KSR2: variants seen among roughly 807,000 people sequenced by gnomAD.
The protein encoded by KSR2 is kinase suppressor of ras 2.
KSR2 carries 25 observed loss-of-function variants against 107.8 expected under a neutral mutation model. The ratio of observed to expected loss-of-function variants is 0.23; its 90% CI spans 0.17 to 0.32. The LOEUF is 0.32. Among genes scored for constraint, KSR2 ranks in the 10% least tolerant of loss-of-function variants. KSR2 has a pLI of 1.00. For synonymous variants in KSR2, 480 were observed against 507.0 expected (o/e 0.95, Z 0.71); for missense variants, 887 against 1,268.9 (o/e 0.70, Z 4.57).
chr12:117,811,824 A>G (rs1472693048), intron 3 of KSR2, among the ~76,000 whole-genome samples: 1 of 152,240 alleles, frequency 6.6e-6, no homozygotes, highest in Non-Finnish European at 1.5e-5. Flanking sequence ...GTCAAGCTCT[A>G]CTTAGAGTCA....
intron 7 of KSR2, among the ~76,000 whole-genome samples, chr12:117,566,356 G>A (rs1274684083): frequency 1.3e-5 from 2 of 152,182 alleles, no homozygotes; most frequent in African/African-American, 2.4e-5. Flanking sequence ...CTGACCTCAC[G>A]TGATCTGCCT....
chr12:117,681,353 G>C (rs1032506495), intron 4 of KSR2, among the ~76,000 whole-genome samples: 2 of 152,028 alleles, frequency 1.3e-5, no homozygotes, highest in African/African-American at 4.8e-5. Flanking sequence ...TGAGTAACTG[G>C]GTGGGAAGGC....
intron 4 of KSR2, among the ~76,000 whole-genome samples, chr12:117,680,453 T>G (rs1885318929): frequency 6.6e-6 from 1 of 152,202 alleles, no homozygotes; most frequent in Non-Finnish European, 1.5e-5. Context: ...TAACATTTCT[T>G]TTGGACACGG....
chr12:117,521,483 G>C (rs1874756183), intron 14 of KSR2, among the ~76,000 whole-genome samples: 2 of 152,168 alleles, frequency 1.3e-5, no homozygotes, highest in South Asian at 4.2e-4. Flanking sequence ...ACCGTCGATA[G>C]CTTTGCAATA....
intron 4 of KSR2, among the ~76,000 whole-genome samples, chr12:117,727,498 GGAA>G (rs1204994021): frequency 1.3e-5 from 2 of 151,250 alleles, no homozygotes; most frequent in African/African-American, 4.9e-5. Context: ...AAGAGGAGGA[GGAA>G]GAACAAGAGG....
chr12:117,624,077 GT>G (rs1017013557), intron 5 of KSR2, among the ~76,000 whole-genome samples: 2 of 151,498 alleles, frequency 1.3e-5, no homozygotes, highest in Non-Finnish European at 3.0e-5. Flanking sequence ...TGATGGGGTT[GT>G]TTTTTCTTGT....
chr12:117,730,825 G>A (rs1887642813), intron 4 of KSR2, among the ~76,000 whole-genome samples: 1 of 152,218 alleles, frequency 6.6e-6, no homozygotes, highest in African/African-American at 2.4e-5. Flanking sequence ...TGTTGCCCAG[G>A]CTGGAGTGCA....
chr12:117,963,860 G>T (rs1210844049), intron 1 of KSR2, among the ~76,000 whole-genome samples: 1 of 152,112 alleles, frequency 6.6e-6, no homozygotes, highest in Non-Finnish European at 1.5e-5. Flanking sequence ...TTCTTGTCCA[G>T]CATGCTCTCC....
chr12:117,966,513 T>C (rs1437116379), intron 1 of KSR2, among the ~76,000 whole-genome samples: 1 of 152,034 alleles, frequency 6.6e-6, no homozygotes, highest in African/African-American at 2.4e-5. Flanking sequence ...ACCTTGACAT[T>C]GATCTTATTT....
chr12:117,482,707 T>C lies in KSR2; in HGVS notation c.2450+1709A>G, dbSNP rs376169818. Among the ~76,000 whole-genome samples the C allele has an allele frequency of 3.0e-4, 45 of 152,322 alleles. No homozygotes were observed. The East Asian group carries it at 6.9e-3, about 23-fold the overall frequency. On this transcript the variant is annotated intron_variant, in intron 16 of 19. Transcript: ENST00000339824. Reference sequence around the variant, plus strand: ...CATTTCTTTTTCTTCCTCTTCTCCTTGTGGCTTCAGAAAACTGAGTCTAAA... The same window carrying C: ...CATTTCTTTTTCTTCCTCTTCTCCTCGTGGCTTCAGAAAACTGAGTCTAAA...
rs988840960 is a variant in KSR2, at chr12:117,842,199, G to A, written c.472+13229C>T. ...GGTTTTGAGCACCACTGTTCTTGTGGAAAGGGGTATGAAAATAAACAAAAT... is the reference window on the plus strand; with the variant it reads ...GGTTTTGAGCACCACTGTTCTTGTGAAAAGGGGTATGAAAATAAACAAAAT... On this transcript the variant is annotated intron_variant, in intron 3 of 19. Coordinates refer to ENST00000339824, the MANE Select transcript of KSR2 (RefSeq NM_173598.6). The surrounding 1 kb of genome is among the most constrained non-coding windows in gnomAD (Gnocchi z 4.2). 6.6e-6 allele frequency among the ~76,000 whole-genome samples: 1 copy of A among 152,224 alleles called. No individual in the cohort carries two copies. The highest frequency in any genetic ancestry group is 2.4e-5 in the African/African-American group (1 of 41,466).
At chr12:117,848,672 G>A (rs1892785240) in intron 3 of KSR2, among the ~76,000 whole-genome samples, 1 of 151,358 alleles carries the variant, frequency 6.6e-6, no homozygotes, top group Non-Finnish European at 1.5e-5. Flanking sequence ...GGGCCCCTTG[G>A]AGGAAAAAAG....
At chr12:117,552,217 A>G (rs1268771153) in intron 9 of KSR2, among the ~76,000 whole-genome samples, 3 of 152,226 alleles carry the variant, frequency 2.0e-5, no homozygotes, top group Admixed American at 6.5e-5. Flanking sequence ...TCTCCTGGAT[A>G]TTAACTATGG....
intron 5 of KSR2, among the ~76,000 whole-genome samples, chr12:117,642,253 G>A (rs1883408144): frequency 6.6e-6 from 1 of 152,206 alleles, no homozygotes; most frequent in Non-Finnish European, 1.5e-5. Context: ...GGTGTTCTAT[G>A]AGAATGGAGA....
chr12:117,572,953 C>G, intron 7 of KSR2, among the ~76,000 whole-genome samples: 1 of 152,210 alleles, frequency 6.6e-6, no homozygotes, highest in East Asian at 1.9e-4. Flanking sequence ...CAAAAGCAAA[C>G]TTCTGCCAGC....
In KSR2 at chr12:117,645,878, T is replaced by C. The variant is rs1288537246; in HGVS notation, c.1171+21596A>G. 6.1e-3 allele frequency among the ~76,000 whole-genome samples: 679 copies of C among 111,340 alleles called. 8 individuals are homozygous for C. The highest frequency in any genetic ancestry group is 0.022 in the African/African-American group (613 of 28,152). 73.0% of individuals were successfully genotyped at this position (111,340 alleles called of 152,430 possible). On this transcript the variant is annotated intron_variant, in intron 5 of 19. Coordinates refer to ENST00000339824, the MANE Select transcript of KSR2 (RefSeq NM_173598.6). ...GTGCATGTGTATGTGCGTGTGTGTG[T>C]GTGTGTGTGTGTGTGTGTGTGTGTG...
chr12:117,816,298 G>A (rs1356288985), intron 3 of KSR2, among the ~76,000 whole-genome samples: 1 of 152,148 alleles, frequency 6.6e-6, no homozygotes, highest in East Asian at 1.9e-4. Flanking sequence ...GACGGCCCCA[G>A]CTGAGGCTTT....
chr12:117,491,462 G>C (rs1186349189), intron 14 of KSR2, among the ~76,000 whole-genome samples: 2 of 152,190 alleles, frequency 1.3e-5, no homozygotes, highest in Non-Finnish European at 2.9e-5. Context: ...TTACAGGCCT[G>C]AGCCACTGCC....
chr12:117,741,353 CAA>C lies in KSR2; in HGVS notation c.986+19656_986+19657del, dbSNP rs869275569. On this transcript the variant is annotated intron_variant, in intron 4 of 19. Coordinates refer to ENST00000339824, the MANE Select transcript of KSR2 (RefSeq NM_173598.6). Reference sequence around the variant, plus strand: ...GCAACGTAGCAAGACCCAGTCTGTACAAAAAAAAAAAAAAATTTAATTAGCTG... The same window carrying C: ...GCAACGTAGCAAGACCCAGTCTGTACAAAAAAAAAAAAATTTAATTAGCTG... 3.8e-5 allele frequency among the ~76,000 whole-genome samples: 4 copies of C among 106,256 alleles called. No homozygotes were observed. In the East Asian group the frequency reaches 9.1e-4, roughly 24 times the overall value. The allele number at this position is 106,256 out of a possible 152,430, so 69.7% of individuals were successfully genotyped here.
Sources: allele counts gnomAD v4.1 joint callset (sites outside exome capture counted in the v4.1 genomes callset), GRCh38; gene constraint gnomAD v4.1.1; non-coding constraint Gnocchi (gnomAD v3.1); transcripts MANE v1.5; gene names NCBI Gene and HGNC (gene_info 2026-07-23, HGNC 2026-07-21).